The following DENND1A variants were observed in gnomAD, a reference collection of about 807,000 sequenced individuals.
DENND1A encodes the protein DENN domain containing 1A, also known as DENN domain-containing protein 1A.
A neutral mutation model predicts 113.7 loss-of-function variants in DENND1A; 51 were observed. The observed-to-expected ratio is 0.45, with a 90% CI of 0.36 to 0.57. The LOEUF (loss-of-function observed/expected upper bound fraction) is 0.57. Ranked by LOEUF, DENND1A falls within the 20% of genes least tolerant of loss-of-function variation. The pLI, the probability that DENND1A is intolerant of heterozygous loss-of-function variation, is 0.00. For missense variants in DENND1A, 1,258 were observed against 1,395.9 expected (o/e 0.90, Z 1.57); for synonymous variants, 565 against 570.8 (o/e 0.99, Z 0.14).
chr9:123,413,707 C>G, intron 19 of DENND1A: 5 of 985,536 alleles, frequency 5.1e-6, no homozygotes, highest in South Asian at 4.7e-5. Context: ...CTGACCCATG[C>G]TTGGTGACCC....
rs567551281 is a variant in DENND1A at position 123,383,745 on chromosome 9, G to A, written c.1929C>T (p.Ala643=). The A allele has an allele frequency of 2.2e-5, 36 of 1,614,140 alleles. 1 individual carries two copies. In the East Asian group the frequency reaches 4.2e-4, roughly 19 times the overall value. Residue 643 remains alanine (A), a synonymous_variant, in exon 23 of 24, where the codon GCC becomes GCT. Coordinates refer to ENST00000394215, the MANE Select transcript of DENND1A (RefSeq NM_001352964.2). ...TGGCCTGGCCCAGTGGCTGCAGTGCGGCCTCCATGTCCAGGTTGCTGAAGA... is the reference window on the plus strand; with the variant it reads ...TGGCCTGGCCCAGTGGCTGCAGTGCAGCCTCCATGTCCAGGTTGCTGAAGA... The part of the protein sequence containing the change: ...EDVFSNLDME[A]ALQPLGQAKS...
At chr9:123,923,846 G>A (rs1421186342) in intron 1 of DENND1A, among the ~76,000 whole-genome samples, 4 of 152,100 alleles carry the variant, frequency 2.6e-5, no homozygotes, top group African/African-American at 9.7e-5. Context: ...TACACAAAGT[G>A]GTACAGCTGC....
intron 10 of DENND1A, among the ~76,000 whole-genome samples, chr9:123,611,251 C>T (rs531317132): frequency 6.6e-6 from 1 of 152,142 alleles, no homozygotes; most frequent in Admixed American, 6.5e-5. Flanking sequence ...CAAGGAAATG[C>T]CCTGTGATAT....
At chr9:123,877,692 G>A (rs759283373) in intron 2 of DENND1A, among the ~76,000 whole-genome samples, 5 of 150,844 alleles carry the variant, frequency 3.3e-5, no homozygotes, top group Non-Finnish European at 5.9e-5. Flanking sequence ...GAGTGGTGGC[G>A]GGCGCCTGTA....
chr9:123,767,433 TA>T (rs1424221481), intron 4 of DENND1A, among the ~76,000 whole-genome samples: 2 of 151,544 alleles, frequency 1.3e-5, no homozygotes, highest in African/African-American at 2.4e-5. Flanking sequence ...GGAACATGAT[TA>T]GGGGAACATA....
intron 5 of DENND1A, among the ~76,000 whole-genome samples, chr9:123,745,820 A>G (rs1024995345): frequency 1.3e-5 from 2 of 152,240 alleles, no homozygotes; most frequent in Admixed American, 6.5e-5. Context: ...TGAAAATTAC[A>G]TAAACCAGCT....
intron 10 of DENND1A, among the ~76,000 whole-genome samples, 189 bp from the exon 11 acceptor site, chr9:123,609,670 C>A (rs182996441): frequency 6.6e-6 from 1 of 152,118 alleles, no homozygotes; most frequent in African/African-American, 2.4e-5. Context: ...AATTTCAAAA[C>A]GTGGGCAGCA....
At chr9:123,694,593 C>G (rs2065390282) in intron 5 of DENND1A, among the ~76,000 whole-genome samples, 1 of 152,204 alleles carries the variant, frequency 6.6e-6, no homozygotes, top group Non-Finnish European at 1.5e-5. Flanking sequence ...TTTGCCCTAT[C>G]TCCCACCAAA....
intron 13 of DENND1A, among the ~76,000 whole-genome samples, chr9:123,476,825 G>C (rs1011433491): frequency 6.6e-6 from 1 of 152,194 alleles, no homozygotes; most frequent in Non-Finnish European, 1.5e-5. Context: ...GGGAAACTGA[G>C]CCACATAACT....
intron 10 of DENND1A, among the ~76,000 whole-genome samples, chr9:123,613,077 C>G (rs1430997609): frequency 2.6e-5 from 4 of 152,130 alleles, no homozygotes; most frequent in Non-Finnish European, 5.9e-5. Flanking sequence ...AGGTGCTTGA[C>G]AGGCACACAC....
intron 11 of DENND1A, among the ~76,000 whole-genome samples, chr9:123,594,319 C>A (rs1414792613): frequency 2.0e-5 from 3 of 152,132 alleles, no homozygotes. Context: ...TCTCCCACAG[C>A]CCAACTCCTT....
At chr9:123,638,473 T>TTTG (rs1256851570) in intron 9 of DENND1A, among the ~76,000 whole-genome samples, 3 of 152,004 alleles carry the variant, frequency 2.0e-5, no homozygotes, top group Non-Finnish European at 2.9e-5. Flanking sequence ...CACATGCACT[T>TTTG]TTGTTGTTGT....
At chr9:123,466,785 T>C (rs1049758325) in intron 13 of DENND1A, among the ~76,000 whole-genome samples, 18 of 152,050 alleles carry the variant, frequency 1.2e-4, no homozygotes, top group African/African-American at 4.1e-4. Context: ...TCATGTTTCT[T>C]AGAACATCAC....
intron 1 of DENND1A, among the ~76,000 whole-genome samples, chr9:123,903,185 A>G (rs988247843): frequency 1.3e-5 from 2 of 150,962 alleles, no homozygotes; most frequent in African/African-American, 4.9e-5. Flanking sequence ...ACAAAAAATT[A>G]GCCGGGCATA....
chr9:123,807,473 C>T (rs903261573), intron 2 of DENND1A, among the ~76,000 whole-genome samples: 1 of 152,206 alleles, frequency 6.6e-6, no homozygotes, highest in Non-Finnish European at 1.5e-5. Context: ...CATTTCTCGT[C>T]TTCGACTGTT....
chr9:123,412,772 G>A (rs985628164), intron 19 of DENND1A, among the ~76,000 whole-genome samples: 4 of 152,180 alleles, frequency 2.6e-5, no homozygotes, highest in African/African-American at 7.2e-5. Context: ...CCCAGGCCGC[G>A]GACCCACAGC....
chr9:123,713,509 T>C (rs1239630174), intron 5 of DENND1A, among the ~76,000 whole-genome samples: 1 of 152,222 alleles, frequency 6.6e-6, no homozygotes, highest in African/African-American at 2.4e-5. Flanking sequence ...ACAGGACCAC[T>C]GGTTAGGTCA....
At chr9:123,842,661 G>A (rs1842000388) in intron 2 of DENND1A, among the ~76,000 whole-genome samples, 1 of 152,136 alleles carries the variant, frequency 6.6e-6, no homozygotes. Context: ...GATGAACTCA[G>A]ATGACTTTAC....
chr9:123,928,752 G>T, intron 1 of DENND1A: 1 of 985,410 alleles, frequency 1.0e-6, no homozygotes, highest in Non-Finnish European at 1.2e-6. Flanking sequence ...GAGATGCAAT[G>T]TTTGAATAAT....
Sources: gnomAD v4.1 joint callset for allele counts (sites outside exome capture counted in the v4.1 genomes callset) on GRCh38, gnomAD v4.1.1 for gene constraint, MANE v1.5 for transcripts, NCBI Gene and HGNC (gene_info 2026-07-23, HGNC 2026-07-21) for gene names.